The following ARID1B variants were observed in gnomAD, a reference collection of about 807,000 sequenced individuals.
The protein encoded by ARID1B is AT-rich interactive domain-containing protein 1B.
A neutral mutation model predicts 212.3 loss-of-function variants in ARID1B; 30 were observed. That is an observed-to-expected ratio of 0.14 (90% CI 0.11 to 0.19). The LOEUF is 0.19. ARID1B is among the 10% of genes least tolerant of loss of function. The probability of loss-of-function intolerance (pLI) is 1.00; values close to 1 mark genes in which losing one functional copy is unlikely to be tolerated. For missense variants in ARID1B, 2,891 were observed against 3,204.0 expected (o/e 0.90, Z 2.36); for synonymous variants, 1,402 against 1,301.7 (o/e 1.08, Z -1.66).
chr6:157,039,864 C>CTCTTTCTCTT (rs1168034589), intron 4 of ARID1B, among the ~76,000 whole-genome samples: 1 of 102,060 alleles, frequency 9.8e-6, no homozygotes, highest in Non-Finnish European at 2.0e-5. Flanking sequence ...CTCTTTCTCT[C>CTCTTTCTCTT]TCTTTCTCTT....
chr6:157,149,108 A>G, intron 8 of ARID1B, 157 bp downstream of exon 8: 4 of 743,736 alleles, frequency 5.4e-6, no homozygotes. Context: ...ATTCTGTAGC[A>G]TCGAGGTCAG....
chr6:156,969,598 C>T (rs1441196747), intron 4 of ARID1B, among the ~76,000 whole-genome samples: 1 of 152,204 alleles, frequency 6.6e-6, no homozygotes, highest in Non-Finnish European at 1.5e-5. Context: ...AATTACTGTA[C>T]ATCTAATATC....
At chr6:157,017,251 T>A (rs928078376) in intron 4 of ARID1B, among the ~76,000 whole-genome samples, 1 of 152,210 alleles carries the variant, frequency 6.6e-6, no homozygotes, top group East Asian at 1.9e-4. Flanking sequence ...CCTCTGGTAA[T>A]CCATCAACAA....
intron 6 of ARID1B, among the ~76,000 whole-genome samples, chr6:157,124,888 G>A (rs74563741): frequency 0.01 from 1,588 of 152,230 alleles, 20 homozygotes; most frequent in African/African-American, 0.036. Context: ...CAAGCTGTTA[G>A]CATATAATAT....
chr6:156,865,497 A>C (rs1171230792), intron 2 of ARID1B, among the ~76,000 whole-genome samples: 1 of 151,992 alleles, frequency 6.6e-6, no homozygotes, highest in Non-Finnish European at 1.5e-5. Context: ...CTCAGCCCCT[A>C]ATGTTGTAGG....
intron 2 of ARID1B, among the ~76,000 whole-genome samples, chr6:156,841,886 G>A (rs1428967794): frequency 2.0e-5 from 3 of 152,114 alleles, no homozygotes; most frequent in Non-Finnish European, 4.4e-5. Context: ...GTTCCTTAGC[G>A]CCTGAACTCT....
intron 3 of ARID1B, among the ~76,000 whole-genome samples, chr6:156,929,569 A>G (rs1473414694): frequency 1.3e-5 from 2 of 152,246 alleles, no homozygotes; most frequent in Non-Finnish European, 2.9e-5. Flanking sequence ...TATTGAGACT[A>G]CTCAAATCGT....
At chr6:157,129,089 T>C (rs1158973464) in intron 6 of ARID1B, among the ~76,000 whole-genome samples, 2 of 152,254 alleles carry the variant, frequency 1.3e-5, no homozygotes, top group African/African-American at 4.8e-5. Context: ...AGTGAAAAGA[T>C]ATTTTTGGGA....
chr6:156,846,241 G>A (rs1253428884), intron 2 of ARID1B, among the ~76,000 whole-genome samples: 2 of 151,954 alleles, frequency 1.3e-5, no homozygotes, highest in African/African-American at 2.4e-5. Flanking sequence ...TGCAACCTCC[G>A]CCTCCTGGGT....
intron 10 of ARID1B, 29 bp downstream of exon 10, chr6:157,174,146 G>C: frequency 6.3e-7 from 1 of 1,598,614 alleles, no homozygotes; most frequent in Non-Finnish European, 8.6e-7. Context: ...CACGCGGTGT[G>C]AGGTCTGCCT....
intron 4 of ARID1B, among the ~76,000 whole-genome samples, chr6:157,030,700 A>C (rs1048775066): frequency 7.2e-5 from 11 of 152,234 alleles, no homozygotes; most frequent in African/African-American, 2.4e-4. Flanking sequence ...TCATGTGAGC[A>C]TATCACTTGC....
chr6:156,942,767 C>G (rs1792773795), intron 4 of ARID1B: 1 of 152,610 alleles, frequency 6.6e-6, no homozygotes, highest in Admixed American at 6.5e-5. Context: ...ATTGCTTCTC[C>G]TGGGCATTGG....
chr6:156,783,344 A>C (rs1473100204), intron 1 of ARID1B, among the ~76,000 whole-genome samples: 7 of 152,274 alleles, frequency 4.6e-5, no homozygotes, highest in East Asian at 1.9e-4. Flanking sequence ...AAAAAAAAAA[A>C]ACATTAATTC....
At chr6:157,041,751 C>T (rs1583202024) in intron 4 of ARID1B, among the ~76,000 whole-genome samples, 1 of 152,178 alleles carries the variant, frequency 6.6e-6, no homozygotes, top group African/African-American at 2.4e-5. Context: ...AGCACCTTCT[C>T]TGTTTTCTGA....
rs557067101 is a variant in ARID1B, at chr6:156,999,762, A to G, written c.2247+64186A>G. Among the ~76,000 whole-genome samples, 62 of 152,332 alleles carry G rather than the reference A, an allele frequency of 4.1e-4. No homozygotes were observed. In the Middle Eastern group the frequency reaches 0.017, roughly 42 times the overall value. On this transcript the variant is annotated intron_variant, in intron 4 of 19. Coordinates refer to ENST00000636930, the MANE Select transcript of ARID1B (RefSeq NM_001374828.1). ...ACTTTGAGGCACTAGGAACACAGCA[A>G]TGGAAAAACAATTCCACTGTTCGGC... is the stretch of plus-strand genomic sequence containing the variant.
chr6:156,885,396 C>G (rs985173964), intron 2 of ARID1B, among the ~76,000 whole-genome samples: 8 of 152,048 alleles, frequency 5.3e-5, no homozygotes, highest in Non-Finnish European at 1.0e-4. Flanking sequence ...TTTAGAATGC[C>G]TAATTTTAAT....
intron 7 of ARID1B, among the ~76,000 whole-genome samples, chr6:157,144,052 A>G (rs1789553930): frequency 6.6e-6 from 1 of 152,252 alleles, no homozygotes; most frequent in Non-Finnish European, 1.5e-5. Context: ...GACGAAGACC[A>G]GCTGCCGAAC....
intron 2 of ARID1B, among the ~76,000 whole-genome samples, chr6:156,849,039 C>T (rs1416745356): frequency 1.3e-5 from 2 of 152,188 alleles, no homozygotes; most frequent in Non-Finnish European, 2.9e-5. Context: ...AACTGAGCAC[C>T]AGGTTCCTGG....
chr6:157,189,930 GA>G (rs748806294), intron 14 of ARID1B, 107 bp from the exon 15 acceptor site: 11 of 1,576,936 alleles, frequency 7.0e-6, no homozygotes, highest in Non-Finnish European at 8.6e-6. Flanking sequence ...CATTTATCTT[GA>G]ATGGTTTTTG....
Sources: gnomAD v4.1 joint callset for allele counts (sites outside exome capture counted in the v4.1 genomes callset) on GRCh38, gnomAD v4.1.1 for gene constraint, MANE v1.5 for transcripts, NCBI Gene and HGNC (gene_info 2026-07-23, HGNC 2026-07-21) for gene names.